The following STOX1 variants were observed in gnomAD, a reference collection of about 807,000 sequenced individuals.
STOX1 encodes storkhead box 1.
STOX1 carries 57 observed loss-of-function variants against 74.8 expected under a neutral mutation model. That is an observed-to-expected ratio of 0.76 (90% CI 0.62 to 0.95). STOX1 has a LOEUF of 0.95. Among genes scored for constraint, STOX1 ranks in the 40% least tolerant of loss-of-function variants. The pLI is 0.00. For synonymous variants in STOX1, 375 were observed against 401.3 expected (o/e 0.93, Z 0.78); for missense variants, 1,010 against 1,117.0 (o/e 0.90, Z 1.37).
At chr10:68,844,819 G>C (rs985442979) in intron 1 of STOX1, among the ~76,000 whole-genome samples, 1 of 152,066 alleles carries the variant, frequency 6.6e-6, no homozygotes, top group Admixed American at 6.6e-5. Flanking sequence ...CTGGAGTGCA[G>C]TGGTGCGATC....
In STOX1 at chr10:68,892,640, AAGAC is replaced by A. The variant is rs1239850689; in HGVS notation, c.2878_2881del (p.Gln960IlefsTer23). 1 of 1,613,652 alleles carries A rather than the reference AAGAC, an allele frequency of 6.2e-7. No individual in the cohort carries two copies. Among genetic ancestry groups the A allele is most frequent in the African/African-American group, 1.3e-5 (1 of 74,922 alleles). ...CAGTCATTTTGGATGGACTAAAAAG[AAGAC>A]AGAATTTTCTGCAAAATGTCGAAGG... On this transcript the variant is annotated frameshift_variant, in exon 4 of 4. Coordinates refer to ENST00000298596, the MANE Select transcript of STOX1 (RefSeq NM_152709.5). LOFTEE classifies it high-confidence loss of function.
intron 1 of STOX1, among the ~76,000 whole-genome samples, chr10:68,845,296 T>C (rs1249573103): frequency 7.3e-6 from 1 of 137,704 alleles, no homozygotes; most frequent in Non-Finnish European, 1.5e-5. Context: ...TTTTTTGAGA[T>C]GGAATCTTGC....
chr10:68,847,162 A>C (rs1433279188), intron 1 of STOX1, among the ~76,000 whole-genome samples: 1 of 152,226 alleles, frequency 6.6e-6, no homozygotes, highest in Non-Finnish European at 1.5e-5. Context: ...TGGAAACCTC[A>C]GTAGACTCAT....
chr10:68,856,948 C>T (rs987812367), intron 1 of STOX1, among the ~76,000 whole-genome samples: 1 of 152,092 alleles, frequency 6.6e-6, no homozygotes, highest in African/African-American at 2.4e-5. Flanking sequence ...TGTGCTGGTT[C>T]CCATAGATAT....
chr10:68,835,954 C>T (rs1245152384), intron 1 of STOX1, among the ~76,000 whole-genome samples: 2 of 151,174 alleles, frequency 1.3e-5, no homozygotes, highest in Admixed American at 1.3e-4. Flanking sequence ...TCACTGAAAC[C>T]TCCTCCTCCT....
intron 1 of STOX1, among the ~76,000 whole-genome samples, chr10:68,836,306 GGTA>G (rs1839551922): frequency 6.6e-6 from 1 of 152,192 alleles, no homozygotes; most frequent in Non-Finnish European, 1.5e-5. Flanking sequence ...TTGAAGATAA[GGTA>G]CCTGAGAGCC....
chr10:68,869,108 C>T (rs1469691450), intron 1 of STOX1, among the ~76,000 whole-genome samples: 1 of 152,192 alleles, frequency 6.6e-6, no homozygotes, highest in Non-Finnish European at 1.5e-5. Flanking sequence ...ATGGTCCTGG[C>T]CCAGGCAGCC....
rs56325624 is a variant in STOX1, at chr10:68,876,119, AATATATATAT to A, written c.311-5810_311-5801del. Among the ~76,000 whole-genome samples the A allele has an allele frequency of 3.4e-3, 462 of 135,722 alleles. 3 individuals are homozygous for A. The highest frequency in any genetic ancestry group is 7.0e-3 in the African/African-American group (255 of 36,620). 89.0% of individuals were successfully genotyped at this position (135,722 alleles called of 152,430 possible). ...GGGGTTGCTTTCTGGTCTTTACCAG[AATATATATAT>A]ATATATATATATATATATATATATA... On this transcript the variant is annotated intron_variant, in intron 1 of 3. Transcript: ENST00000298596.
At chr10:68,835,983 T>C (rs1239554013) in intron 1 of STOX1, among the ~76,000 whole-genome samples, 1 of 152,186 alleles carries the variant, frequency 6.6e-6, no homozygotes, top group Non-Finnish European at 1.5e-5. Context: ...GCAATTCTCC[T>C]GCCTCAGCCT....
rs779695174 is a variant in STOX1 at position 68,885,942 on chromosome 10, G to A, written c.2146G>A (p.Asp716Asn). The A allele has an allele frequency of 3.1e-6, 5 of 1,614,058 alleles. No individual in the cohort carries two copies. The highest frequency in any genetic ancestry group is 1.7e-5 in the Admixed American group (1 of 60,002). Reference protein sequence around the residue: ...TSLENEQLSNDDQALYQNEVE... With the variant: ...TSLENEQLSNNDQALYQNEVE... ...CCTAGAAAATGAACAGCTTTCTAAC[G>A]ATGACCAGGCCTTGTATCAGAATGA... The change falls in exon 3 of 4, where the codon GAT (aspartate) becomes AAT (asparagine). Residue 716 changes from aspartate to asparagine, a missense_variant. Coordinates refer to ENST00000298596, the MANE Select transcript of STOX1 (RefSeq NM_152709.5).
intron 3 of STOX1, among the ~76,000 whole-genome samples, chr10:68,888,897 A>G (rs1293667901): frequency 7.4e-6 from 1 of 135,448 alleles, no homozygotes; most frequent in African/African-American, 2.9e-5. Flanking sequence ...GGCTCAAGCA[A>G]TTCAGCCTCC....
intron 1 of STOX1, among the ~76,000 whole-genome samples, chr10:68,879,159 C>T (rs569675838): frequency 6.6e-6 from 1 of 152,248 alleles, no homozygotes; most frequent in African/African-American, 2.4e-5. Flanking sequence ...CACCCCTCTG[C>T]CAAAAACTAT....
At chr10:68,854,651 C>T (rs1237148823) in intron 1 of STOX1, among the ~76,000 whole-genome samples, 2 of 152,090 alleles carry the variant, frequency 1.3e-5, no homozygotes, top group African/African-American at 4.8e-5. Flanking sequence ...CCACAGAGTG[C>T]ATGTCTGAGG....
intron 1 of STOX1, among the ~76,000 whole-genome samples, chr10:68,855,788 TC>T (rs1840112233): frequency 6.6e-6 from 1 of 151,652 alleles, no homozygotes; most frequent in South Asian, 2.1e-4. Flanking sequence ...TAATGTGTCC[TC>T]TCATCTCCCA....
chr10:68,876,454 C>T (rs1038817350), intron 1 of STOX1, among the ~76,000 whole-genome samples: 1 of 151,920 alleles, frequency 6.6e-6, no homozygotes, highest in Non-Finnish European at 1.5e-5. Context: ...CCACACCTGG[C>T]CAACAAAAAA....
Position 68,886,020 on chromosome 10 carries a change from A to T in STOX1, c.2224A>T (p.Ile742Phe), listed in dbSNP as rs1251662722. ...CSSLYLEEDD[I>F]SENDDLRQML... is the part of the protein sequence containing the mutation. Reference sequence around the variant, plus strand: ...TTCATTATATCTAGAGGAGGATGACATTTCTGAGAATGACGACTTACGTCA... The same window carrying T: ...TTCATTATATCTAGAGGAGGATGACTTTTCTGAGAATGACGACTTACGTCA... The change falls in exon 3 of 4, where the codon ATT becomes TTT. Residue 742 changes from isoleucine to phenylalanine, a missense_variant. Transcript: ENST00000298596. 2 of 1,614,078 alleles carry T rather than the reference A, an allele frequency of 1.2e-6. No individual in the cohort carries two copies. Among genetic ancestry groups the T allele is most frequent in the African/African-American group, 2.7e-5 (2 of 74,946 alleles).
Position 68,885,041 on chromosome 10 carries a change from G to C in STOX1, c.1245G>C (p.Arg415Ser), listed in dbSNP as rs752368604. 4 of 1,614,154 alleles carry C rather than the reference G, an allele frequency of 2.5e-6. No homozygotes were observed. The Admixed American group carries it at 6.7e-5, about 27-fold the overall frequency. The stretch of plus-strand genomic sequence containing the variant: ...CTTCAAAAGAGGGGGTTAAGAAAAG[G>C]CAGGGTCTGTCTGCAAAACCTCAAG... Reference protein sequence around the residue: ...KYPSKEGVKKRQGLSAKPQGQ... With the variant: ...KYPSKEGVKKSQGLSAKPQGQ... The change falls in exon 3 of 4, where the codon AGG (arginine) becomes AGC (serine). Residue 415 changes from arginine (R) to serine (S), a missense_variant. Physicochemically the swap from Arg to Ser is moderately radical, Grantham distance 110. Coordinates refer to ENST00000298596, the MANE Select transcript of STOX1 (RefSeq NM_152709.5).
intron 1 of STOX1, among the ~76,000 whole-genome samples, chr10:68,831,264 C>T (rs539748321): frequency 3.3e-5 from 5 of 152,082 alleles, no homozygotes; most frequent in African/African-American, 7.2e-5. Context: ...CTCAGCTCAC[C>T]GCAACCTTCA....
intron 1 of STOX1, among the ~76,000 whole-genome samples, chr10:68,852,383 C>T (rs1174266502): frequency 4.0e-5 from 6 of 150,330 alleles, no homozygotes; most frequent in Non-Finnish European, 7.4e-5. Context: ...CTCAGCCTCC[C>T]GAGTAGCTGG....
Sources: allele counts gnomAD v4.1 joint callset (sites outside exome capture counted in the v4.1 genomes callset), GRCh38; gene constraint gnomAD v4.1.1; transcripts MANE v1.5; gene names NCBI Gene and HGNC (gene_info 2026-07-23, HGNC 2026-07-21).